SFMBT2: variants seen among roughly 807,000 people sequenced by gnomAD.
SFMBT2 encodes the protein scm-like with four MBT domains protein 2.
A neutral mutation model predicts 110.1 loss-of-function variants in SFMBT2; 38 were observed. That is an observed-to-expected ratio of 0.35 (90% CI 0.27 to 0.45). The LOEUF (loss-of-function observed/expected upper bound fraction) is 0.45. Among genes scored for constraint, SFMBT2 ranks in the 20% least tolerant of loss-of-function variants. The probability of loss-of-function intolerance (pLI) is 1.00; values close to 1 mark genes in which losing one functional copy is unlikely to be tolerated. For synonymous variants in SFMBT2, 425 were observed against 425.4 expected (o/e 1.00, Z 0.01); for missense variants, 1,011 against 1,094.9 (o/e 0.92, Z 1.08).
chr10:7,191,535 C>T (rs1838601573), intron 15 of SFMBT2, among the ~76,000 whole-genome samples: 1 of 152,358 alleles, frequency 6.6e-6, no homozygotes, highest in Admixed American at 6.5e-5. Context: ...ACCATCCCTC[C>T]CCATCCGGGT....
intron 1 of SFMBT2, among the ~76,000 whole-genome samples, chr10:7,382,631 C>T (rs1307822884): frequency 2.0e-5 from 3 of 151,772 alleles, no homozygotes; most frequent in Non-Finnish European, 4.4e-5. Context: ...GTAGCAGCAA[C>T]CTCCACCCCC....
intron 4 of SFMBT2, among the ~76,000 whole-genome samples, chr10:7,342,621 T>C (rs138502300): frequency 0.013 from 1,984 of 152,046 alleles, 44 homozygotes; most frequent in African/African-American, 0.045. Context: ...ATGGTCTCGA[T>C]CTCCTGACTT....
At chr10:7,303,966 G>A (rs967032586) in intron 4 of SFMBT2, among the ~76,000 whole-genome samples, 4 of 152,178 alleles carry the variant, frequency 2.6e-5, no homozygotes, top group Admixed American at 6.5e-5. Context: ...AGGATCCTGC[G>A]ACACCCGACA....
rs568688791 is a variant in SFMBT2 at position 7,184,237 on chromosome 10, C to T, written c.1808+4387G>A. On this transcript the variant is annotated intron_variant, in intron 16 of 20. Transcript: ENST00000397167. The stretch of plus-strand genomic sequence containing the variant: ...ACCCAAATCTCATCTTGAATTGTAG[C>T]TCCCATAATTCTCAAGTGTTGTGGG... Among the ~76,000 whole-genome samples the T allele has an allele frequency of 3.3e-5, 5 of 152,308 alleles. No individual in the cohort carries two copies. In the South Asian group the frequency reaches 1.0e-3, roughly 32 times the overall value.
intron 15 of SFMBT2, among the ~76,000 whole-genome samples, chr10:7,194,015 A>G (rs963649358): frequency 6.6e-6 from 1 of 152,128 alleles, no homozygotes; most frequent in Non-Finnish European, 1.5e-5. Context: ...CTTAGGATAA[A>G]CAGCATCACC....
intron 4 of SFMBT2, among the ~76,000 whole-genome samples, chr10:7,359,931 C>CT (rs147007357): frequency 0.071 from 10,810 of 152,270 alleles, 518 homozygotes; most frequent in Non-Finnish European, 0.11. Context: ...TCAGAACTGG[C>CT]CAGAATCCTC....
At chr10:7,342,603 G>A (rs2131987773) in intron 4 of SFMBT2, among the ~76,000 whole-genome samples, 1 of 151,726 alleles carries the variant, frequency 6.6e-6, no homozygotes, top group South Asian at 2.1e-4. Context: ...TAGAGACAGG[G>A]TTTCACCATG....
rs542919906 is a variant in SFMBT2, at chr10:7,407,062, C to G, written c.-52+3799G>C. On this transcript the variant is annotated intron_variant, in intron 1 of 20. Coordinates refer to ENST00000397167, the MANE Select transcript of SFMBT2 (RefSeq NM_001387889.1). ...GCAGGCAGCTTGGTCCCAGCAAGAGCAAAGATAAGATCTGAGACGGTATTT... is the reference window on the plus strand; with the variant it reads ...GCAGGCAGCTTGGTCCCAGCAAGAGGAAAGATAAGATCTGAGACGGTATTT... Among the ~76,000 whole-genome samples, 12 of 152,192 alleles carry G rather than the reference C, an allele frequency of 7.9e-5. No individual in the cohort carries two copies. In the South Asian group the frequency reaches 2.3e-3, roughly 29 times the overall value.
intron 11 of SFMBT2, among the ~76,000 whole-genome samples, chr10:7,211,590 T>C (rs1439385029): frequency 2.0e-5 from 3 of 152,160 alleles, no homozygotes; most frequent in Non-Finnish European, 4.4e-5. Flanking sequence ...TAAACGCCTC[T>C]TCCCCGAGAC....
chr10:7,349,415 C>T (rs1382334622), intron 4 of SFMBT2, among the ~76,000 whole-genome samples: 1 of 140,192 alleles, frequency 7.1e-6, no homozygotes, highest in African/African-American at 2.6e-5. Context: ...CACTTTCAAG[C>T]CCTGACTCTT....
At chr10:7,292,579 C>A (rs1842291416) in intron 4 of SFMBT2, among the ~76,000 whole-genome samples, 1 of 152,270 alleles carries the variant, frequency 6.6e-6, no homozygotes, top group Non-Finnish European at 1.5e-5. Context: ...AGAAAAATTA[C>A]ACTTACACAC....
chr10:7,228,911 C>G (rs977592932), intron 9 of SFMBT2, among the ~76,000 whole-genome samples: 10 of 152,030 alleles, frequency 6.6e-5, no homozygotes, highest in African/African-American at 2.4e-4. Flanking sequence ...CTGAATTATA[C>G]CTAAGAAAGG....
chr10:7,315,042 A>AAGAAAG (rs1842958194), intron 4 of SFMBT2, among the ~76,000 whole-genome samples: 1 of 78,432 alleles, frequency 1.3e-5, no homozygotes, highest in Admixed American at 1.3e-4. Flanking sequence ...AAGAAAGAGA[A>AAGAAAG]AGAAAGAAAG....
At chr10:7,331,485 T>C (rs1160721966) in intron 4 of SFMBT2, among the ~76,000 whole-genome samples, 2 of 152,196 alleles carry the variant, frequency 1.3e-5, no homozygotes, top group East Asian at 3.8e-4. Flanking sequence ...TTTTAGTTCA[T>C]TAAACCCAGG....
intron 2 of SFMBT2, among the ~76,000 whole-genome samples, chr10:7,380,298 G>A (rs1272185987): frequency 6.6e-6 from 1 of 152,188 alleles, no homozygotes; most frequent in African/African-American, 2.4e-5. Flanking sequence ...TCTGGTTTAT[G>A]TGTAGAAAAA....
At chr10:7,396,772 T>A (rs1280977494) in intron 1 of SFMBT2, among the ~76,000 whole-genome samples, 1 of 151,752 alleles carries the variant, frequency 6.6e-6, no homozygotes, top group Admixed American at 6.6e-5. Flanking sequence ...CTGGGAAGCA[T>A]CATTCTGAGC....
chr10:7,218,832 C>A (rs968205760), intron 11 of SFMBT2, among the ~76,000 whole-genome samples: 11 of 152,174 alleles, frequency 7.2e-5, no homozygotes, highest in African/African-American at 2.7e-4. Context: ...ATGTCAAGAG[C>A]AATGGAATTG....
At chr10:7,203,670 G>C in intron 12 of SFMBT2, 1 of 984,886 alleles carries the variant, frequency 1.0e-6, no homozygotes, top group Non-Finnish European at 1.2e-6. Context: ...ACTCAGGTTG[G>C]GGAGAATCTA....
At chr10:7,387,922 C>T in intron 1 of SFMBT2, among the ~76,000 whole-genome samples, 1 of 149,074 alleles carries the variant, frequency 6.7e-6, no homozygotes. Context: ...GCACTCCAGC[C>T]TGGACGACAG....
Sources: allele counts gnomAD v4.1 joint callset (sites outside exome capture counted in the v4.1 genomes callset), GRCh38; gene constraint gnomAD v4.1.1; transcripts MANE v1.5; gene names NCBI Gene and HGNC (gene_info 2026-07-23, HGNC 2026-07-21).